The following TMTC3 variants were observed in gnomAD, a reference collection of about 807,000 sequenced individuals.
TMTC3 encodes transmembrane O-mannosyltransferase targeting cadherins 3.
Under a neutral mutation model 92.2 loss-of-function variants are expected in TMTC3, and 52 were observed. The observed-to-expected ratio is 0.56, with a 90% confidence interval of 0.45 to 0.71. The LOEUF is 0.71. Ranked by LOEUF, TMTC3 falls within the 30% of genes least tolerant of loss-of-function variation. TMTC3 has a pLI of 0.00. For missense variants in TMTC3, 896 were observed against 1,057.1 expected, an observed-to-expected ratio of 0.85 and a Z score of 2.11; for synonymous variants, 339 against 363.3, an observed-to-expected ratio of 0.93 and a Z score of 0.76.
At chr12:88,175,372 A>G (rs1022095542) in intron 9 of TMTC3, among the ~76,000 whole-genome samples, 1 of 152,188 alleles carries the variant, frequency 6.6e-6, no homozygotes, top group Non-Finnish European at 1.5e-5. Context: ...CTCCCTTACC[A>G]GTACCCCTCT....
chr12:88,150,746 A>G (rs531023768), intron 2 of TMTC3, among the ~76,000 whole-genome samples: 1 of 152,296 alleles, frequency 6.6e-6, no homozygotes, highest in South Asian at 2.1e-4. Flanking sequence ...AGCATATTCA[A>G]AGATCTAATC....
intron 7 of TMTC3, among the ~76,000 whole-genome samples, chr12:88,167,977 A>G (rs936592840): frequency 4.6e-5 from 7 of 152,170 alleles, no homozygotes; most frequent in African/African-American, 1.7e-4. Context: ...GATGCACAGA[A>G]GTTCACTCAT....
At chr12:88,160,927 AAG>A in intron 6 of TMTC3, 76 bp downstream of exon 6, 1 of 1,394,136 alleles carries the variant, frequency 7.2e-7, no homozygotes, top group Non-Finnish European at 9.8e-7. Flanking sequence ...ATGTTGAAGA[AAG>A]TATTTTATTT....
In TMTC3 at chr12:88,166,385, T is replaced by C; in HGVS notation, c.853T>C (p.Tyr285His). ...PTPTRQLTFN[Y>H]LLPVNAWLLL... Reference sequence around the variant, plus strand: ...TCCTACAAGGCAACTAACTTTTAACTACCTCCTTCCTGTGAATGCTTGGTT... The same window carrying C: ...TCCTACAAGGCAACTAACTTTTAACCACCTCCTTCCTGTGAATGCTTGGTT... Residue 285 changes from tyrosine (Y) to histidine (H), a missense_variant, in exon 7 of 14, where the codon TAC (tyrosine) becomes CAC (histidine). Transcript: ENST00000266712. 6.2e-7 allele frequency: 1 copy of C among 1,614,022 alleles called. No homozygotes were observed. The highest frequency in any genetic ancestry group is 8.5e-7 in the Non-Finnish European group (1 of 1,179,926).
At chr12:88,166,913 A>T (rs965978689) in intron 7 of TMTC3, among the ~76,000 whole-genome samples, 4 of 151,882 alleles carry the variant, frequency 2.6e-5, no homozygotes, top group Admixed American at 6.6e-5. Flanking sequence ...AGAGCTTTTC[A>T]GTTCTCATGA....
chr12:88,176,128 A>T (rs1354742351), intron 9 of TMTC3, 80 bp from the exon 10 acceptor site: 2 of 907,254 alleles, frequency 2.2e-6, no homozygotes, highest in Non-Finnish European at 3.3e-6. Context: ...TTTTCTTAAT[A>T]GTATACCAAA....
In TMTC3 at chr12:88,196,400, AT is replaced by A. The variant is rs112846571; in HGVS notation, c.*763del. The A allele has an allele frequency of 1.5e-3, 218 of 146,246 alleles. No homozygotes were observed. The highest frequency in any genetic ancestry group is 0.015 in the Middle Eastern group (4 of 272). The allele number at this position is 146,246 out of a possible 1,614,324, so 9.1% of individuals were successfully genotyped here. The stretch of plus-strand genomic sequence containing the variant: ...TCACAACATGAATCACATAATCATG[AT>A]TTTTTTTTTTTACTTTTACTCCCCA... On this transcript the variant is annotated 3_prime_UTR_variant, in exon 14 of 14. Coordinates refer to ENST00000266712, the MANE Select transcript of TMTC3 (RefSeq NM_181783.4).
At position 88,168,011 on chromosome 12, in the gene TMTC3, A is replaced by G. The variant is rs184340923; in HGVS notation, c.1050+1429A>G. On this transcript the variant is annotated intron_variant, in intron 7 of 13. Transcript: ENST00000266712. ...ATACTCATAATGGAAGCCTTAGGGTATTTGGTCTTAATTCTCCCCAGAAAA... is the reference window on the plus strand; with the variant it reads ...ATACTCATAATGGAAGCCTTAGGGTGTTTGGTCTTAATTCTCCCCAGAAAA... 6.1e-3 allele frequency among the ~76,000 whole-genome samples: 923 copies of G among 152,294 alleles called. 4 individuals are homozygous for G. Among genetic ancestry groups the G allele is most frequent in the Non-Finnish European group, 9.7e-3 (657 of 68,022 alleles).
At position 88,160,064 on chromosome 12, in the gene TMTC3, A is replaced by C. The variant is rs756197073; in HGVS notation, c.509-50A>C. 2.4e-6 allele frequency: 3 copies of C among 1,230,858 alleles called. No homozygotes were observed. In the South Asian group the frequency reaches 4.1e-5, roughly 17 times the overall value. 76.2% of individuals were successfully genotyped at this position (1,230,858 alleles called of 1,614,324 possible). A position where few individuals can be genotyped will look rare whatever the true frequency, so the allele number is the denominator to read the frequency against. On this transcript the variant is annotated intron_variant, in intron 4 of 13. Coordinates refer to ENST00000266712, the MANE Select transcript of TMTC3 (RefSeq NM_181783.4). Reference sequence around the variant, plus strand: ...AAAGTTTAAAATATCTTTTTTTGATATTATAAAATTGTTTTCTGAATTTTT... The same window carrying C: ...AAAGTTTAAAATATCTTTTTTTGATCTTATAAAATTGTTTTCTGAATTTTT...
At chr12:88,173,001 G>A in intron 8 of TMTC3, 1 of 1,388,326 alleles carries the variant, frequency 7.2e-7, no homozygotes, top group South Asian at 1.2e-5. Flanking sequence ...AGATCCAAAT[G>A]AAAACAAGGA....
chr12:88,166,841 G>T (rs1452004566), intron 7 of TMTC3, among the ~76,000 whole-genome samples: 2 of 151,966 alleles, frequency 1.3e-5, no homozygotes, highest in Non-Finnish European at 2.9e-5. Flanking sequence ...TGATTATATT[G>T]TATATTATTT....
At position 88,199,640 on chromosome 12, in the gene TMTC3, C is replaced by G. The variant is rs866236634; in HGVS notation, c.*3991C>G. ...AAGATAAATTATACTTAGGATGAAG[C>G]TAAAATGCATAACTGAGACACCTTA... On this transcript the variant is annotated 3_prime_UTR_variant, in exon 14 of 14. Coordinates refer to ENST00000266712, the MANE Select transcript of TMTC3 (RefSeq NM_181783.4). 6.6e-6 allele frequency: 1 copy of G among 152,116 alleles called. No individual in the cohort carries two copies. Among genetic ancestry groups the G allele is most frequent in the Non-Finnish European group, 1.5e-5 (1 of 68,002 alleles). The allele number at this position is 152,116 out of a possible 1,614,324, so 9.4% of individuals were successfully genotyped here.
chr12:88,198,698 A>ACTT lies in TMTC3; in HGVS notation c.*3051_*3053dup, dbSNP rs2041544957. On this transcript the variant is annotated 3_prime_UTR_variant, in exon 14 of 14. Coordinates refer to ENST00000266712, the MANE Select transcript of TMTC3 (RefSeq NM_181783.4). ...TCATTACATCTAATTTGAACTCTCA[A>ACTT]CTTCATGTTACAGAATGCTTTAAAG... The ACTT allele has an allele frequency of 3.2e-6, 1 of 310,402 alleles. No homozygotes were observed. The highest frequency in any genetic ancestry group is 1.6e-4 in the South Asian group (1 of 6,208). 19.2% of individuals were successfully genotyped at this position (310,402 alleles called of 1,614,324 possible).
chr12:88,150,938 C>T (rs549165133), intron 2 of TMTC3, among the ~76,000 whole-genome samples: 1 of 152,226 alleles, frequency 6.6e-6, no homozygotes, highest in Admixed American at 6.5e-5. Context: ...TTTAGATTAT[C>T]TCTCTAGTAG....
At chr12:88,169,787 A>T (rs972579100) in intron 7 of TMTC3, among the ~76,000 whole-genome samples, 1 of 152,060 alleles carries the variant, frequency 6.6e-6, no homozygotes, top group African/African-American at 2.4e-5. Flanking sequence ...AAAAATTTTT[A>T]AATTAGCCAG....
In TMTC3 at chr12:88,199,587, T is replaced by G. The variant is rs1330590419; in HGVS notation, c.*3938T>G. 1 of 152,178 alleles carries G rather than the reference T, an allele frequency of 6.6e-6. No individual in the cohort carries two copies. The highest frequency in any genetic ancestry group is 2.4e-5 in the African/African-American group (1 of 41,446). The allele number at this position is 152,178 out of a possible 1,614,324, so 9.4% of individuals were successfully genotyped here. Reference sequence around the variant, plus strand: ...AATAGTAATGCTTGTTCCTTTGCTATCTATGCTAACAAGTACATAGATAGC... The same window carrying G: ...AATAGTAATGCTTGTTCCTTTGCTAGCTATGCTAACAAGTACATAGATAGC... On this transcript the variant is annotated 3_prime_UTR_variant, in exon 14 of 14. Coordinates refer to ENST00000266712, the MANE Select transcript of TMTC3 (RefSeq NM_181783.4).
intron 13 of TMTC3, among the ~76,000 whole-genome samples, chr12:88,193,128 A>G (rs1411202600): frequency 6.6e-6 from 1 of 152,174 alleles, no homozygotes; most frequent in Non-Finnish European, 1.5e-5. Context: ...ATACATAAAC[A>G]TAATGTAACT....
At position 88,194,842 on chromosome 12, in the gene TMTC3, G is replaced by A. The variant is rs1438276618; in HGVS notation, c.1938G>A (p.Glu646=). Residue 646 remains glutamate, a synonymous_variant, in exon 14 of 14, where the codon GAG becomes GAA. Transcript: ENST00000266712. ...TTCTTTAAAAAAACTTTCTAGGTGAGGTTAAACTCAGACCTGAAGCTAGAA... is the reference window on the plus strand; with the variant it reads ...TTCTTTAAAAAAACTTTCTAGGTGAAGTTAAACTCAGACCTGAAGCTAGAA... ...NSAIVMQESG[E]VKLRPEARKR... is the part of the protein sequence containing the mutation. The A allele has an allele frequency of 3.2e-6, 5 of 1,565,252 alleles. No individual in the cohort carries two copies. The highest frequency in any genetic ancestry group is 4.3e-6 in the Non-Finnish European group (5 of 1,159,562).
intron 6 of TMTC3, 33 bp downstream of exon 6, chr12:88,160,884 C>G: frequency 6.6e-7 from 1 of 1,523,894 alleles, no homozygotes; most frequent in African/African-American, 1.4e-5. Flanking sequence ...TTTCTCCATT[C>G]TTTTTTTTAA....
Sources: gnomAD v4.1 joint callset for allele counts (sites outside exome capture counted in the v4.1 genomes callset) on GRCh38, gnomAD v4.1.1 for gene constraint, MANE v1.5 for transcripts, NCBI Gene and HGNC (gene_info 2026-07-23, HGNC 2026-07-21) for gene names.